Variants in TIA1 observed in about 807,000 individuals in gnomAD.
TIA1 encodes cytotoxic granule associated RNA binding protein TIA1.
In TIA1, 23 loss-of-function variants were observed where a neutral mutation model predicts 65.9. That is an observed-to-expected ratio of 0.35 (90% confidence interval 0.25 to 0.49). The LOEUF is 0.49. TIA1 is among the 20% of genes least tolerant of loss of function. The pLI, the probability that TIA1 is intolerant of heterozygous loss-of-function variation, is 0.98. For missense variants in TIA1, 371 were observed against 477.9 expected, an observed-to-expected ratio of 0.78 and a Z score of 2.09; for synonymous variants, 147 against 149.4, an observed-to-expected ratio of 0.98 and a Z score of 0.12.
At chr2:70,212,888 C>T (rs767625458) in intron 12 of TIA1, 43 bp from the exon 13 acceptor site, 1 of 1,348,204 alleles carries the variant, frequency 7.4e-7, no homozygotes, top group African/African-American at 1.4e-5. Context: ...AGGAAATCCA[C>T]TGATTAAAAT....
rs916558820 is a variant in TIA1, at chr2:70,248,483, C to A, written c.-53G>T. 3 of 1,600,444 alleles carry A rather than the reference C, an allele frequency of 1.9e-6. No homozygotes were observed. Among genetic ancestry groups the A allele is most frequent in the Admixed American group, 1.7e-5 (1 of 60,002 alleles). On this transcript the variant is annotated 5_prime_UTR_variant, in exon 1 of 13. Transcript: ENST00000433529. The stretch of plus-strand genomic sequence containing the variant: ...AGGTCCAGCTCCCTGCCCTTCACTA[C>A]CTCCCAAATCGTTTAAGCGGTTATG...
intron 7 of TIA1, 156 bp from the exon 8 acceptor site, chr2:70,217,150 G>A (rs149676230): frequency 2.0e-5 from 11 of 542,496 alleles, no homozygotes; most frequent in African/African-American, 2.0e-4. Flanking sequence ...AAATGCAATG[G>A]TGCTTTTTAT....
rs1676755169 is a variant in TIA1 at position 70,212,579 on chromosome 2, T to C, written c.*140A>G. On this transcript the variant is annotated 3_prime_UTR_variant, in exon 13 of 13. Coordinates refer to ENST00000433529, the MANE Select transcript of TIA1 (RefSeq NM_022173.4). The stretch of plus-strand genomic sequence containing the variant: ...ACAATGTGGATGATAAGTAATTTCA[T>C]GATTAAAAATGAATCTTTTAAATAA... 7.2e-6 allele frequency: 4 copies of C among 552,616 alleles called. No homozygotes were observed. The highest frequency in any genetic ancestry group is 1.3e-5 in the Non-Finnish European group (4 of 305,546). 34.2% of individuals were successfully genotyped at this position (552,616 alleles called of 1,614,324 possible).
chr2:70,225,266 T>C (rs1434344563), intron 6 of TIA1: 2 of 1,185,064 alleles, frequency 1.7e-6, no homozygotes, highest in Non-Finnish European at 2.1e-6. Context: ...ATAAAATTGA[T>C]TGGAACTACA....
rs539511687 is a variant in TIA1, at chr2:70,238,845, G to A, written c.27-2670C>T. 2.6e-5 allele frequency among the ~76,000 whole-genome samples: 4 copies of A among 152,166 alleles called. No homozygotes were observed. The South Asian group carries it at 8.3e-4, about 32-fold the overall frequency. On this transcript the variant is annotated intron_variant, in intron 1 of 12. Coordinates refer to ENST00000433529, the MANE Select transcript of TIA1 (RefSeq NM_022173.4). Reference sequence around the variant, plus strand: ...GTGGAAAGATCACTTTAGCCAAGGAGTTCAAGATCAGCCCAGTCAATACAG... The same window carrying A: ...GTGGAAAGATCACTTTAGCCAAGGAATTCAAGATCAGCCCAGTCAATACAG...
chr2:70,214,738 C>G (rs149144379), intron 11 of TIA1, among the ~76,000 whole-genome samples: 5 of 152,006 alleles, frequency 3.3e-5, no homozygotes, highest in Non-Finnish European at 7.4e-5. Context: ...TTTTGGAAGG[C>G]ATCAGTTGAT....
Position 70,211,947 on chromosome 2 carries a change from G to C in TIA1, c.*772C>G, listed in dbSNP as rs200131886. ...ACAAGTTTTTGTTTTTATAGTTCCT[G>C]GTACACAGCAAAGTTTATCACGAAA... On this transcript the variant is annotated 3_prime_UTR_variant, in exon 13 of 13. Transcript: ENST00000433529. The C allele has an allele frequency of 9.8e-5, 15 of 152,432 alleles. No homozygotes were observed. In the East Asian group the frequency reaches 2.9e-3, roughly 29 times the overall value. The allele number at this position is 152,432 out of a possible 1,614,324, so 9.4% of individuals were successfully genotyped here.
Position 70,215,451 on chromosome 2 carries a change from T to G in TIA1, c.808A>C (p.Asn270His). The G allele has an allele frequency of 6.2e-7, 1 of 1,613,920 alleles. No individual in the cohort carries two copies. The highest frequency in any genetic ancestry group is 8.5e-7 in the Non-Finnish European group (1 of 1,179,840). The change falls in exon 11 of 13, where the codon AAT becomes CAT. Residue 270 changes from asparagine to histidine, a missense_variant. By Grantham distance (68) the Asn-to-His change is moderately conservative (BLOSUM62 1). Transcript: ENST00000433529. ...ESAAHAIVSV[N>H]GTTIEGHVVK... ...ACATGACCTTCAATGGTAGTACCATTAACAGAAACAATTGCATGTGCTGCA... is the reference window on the plus strand; with the variant it reads ...ACATGACCTTCAATGGTAGTACCATGAACAGAAACAATTGCATGTGCTGCA...
At chr2:70,246,889 A>C (rs1201601698) in intron 1 of TIA1, among the ~76,000 whole-genome samples, 2 of 152,072 alleles carry the variant, frequency 1.3e-5, no homozygotes, top group Non-Finnish European at 2.9e-5. Flanking sequence ...GTGAGACTCC[A>C]TCTCAAAAAA....
intron 7 of TIA1, among the ~76,000 whole-genome samples, chr2:70,218,652 C>T (rs561869204): frequency 6.6e-6 from 1 of 152,288 alleles, no homozygotes; most frequent in East Asian, 1.9e-4. Context: ...ACAGGATGGT[C>T]TCCATCTCCT....
At chr2:70,216,371 A>C in intron 9 of TIA1, 33 bp downstream of exon 9, 2 of 1,592,692 alleles carry the variant, frequency 1.3e-6, no homozygotes, top group South Asian at 2.3e-5. Context: ...TTGCACTTTA[A>C]AAATTAATGC....
rs541334662 is a variant in TIA1, at chr2:70,238,935, T to C, written c.27-2760A>G. Among the ~76,000 whole-genome samples the C allele has an allele frequency of 9.9e-5, 15 of 152,198 alleles. No individual in the cohort carries two copies. The South Asian group carries it at 1.7e-3, about 17-fold the overall frequency. ...AAAATTAGCGGACATGGTGGCACTA[T>C]GTCCCATGGCATGGTCCCAGCTACT... On this transcript the variant is annotated intron_variant, in intron 1 of 12. Coordinates refer to ENST00000433529, the MANE Select transcript of TIA1 (RefSeq NM_022173.4).
rs763037034 is a variant in TIA1, at chr2:70,248,575, C to A, written c.-145G>T. ...CCGCCTCCTCCTCCGGCGGCAATTACACTAAACCGCCCGGCCCAGCGGGAA... is the reference window on the plus strand; with the variant it reads ...CCGCCTCCTCCTCCGGCGGCAATTAAACTAAACCGCCCGGCCCAGCGGGAA... On this transcript the variant is annotated 5_prime_UTR_variant, in exon 1 of 13. Transcript: ENST00000433529. 5 of 1,177,188 alleles carry A rather than the reference C, an allele frequency of 4.2e-6. No individual in the cohort carries two copies. The African/African-American group carries it at 7.6e-5, about 18-fold the overall frequency. The allele number at this position is 1,177,188 out of a possible 1,614,324, so 72.9% of individuals were successfully genotyped here. A position where few individuals can be genotyped will look rare whatever the true frequency, so the allele number is the denominator to read the frequency against.
chr2:70,219,658 C>A (rs1034163682), intron 7 of TIA1, among the ~76,000 whole-genome samples: 95 of 148,680 alleles, frequency 6.4e-4, no homozygotes, highest in Middle Eastern at 3.4e-3. Flanking sequence ...TTTTTAATTT[C>A]TTTACTATGG....
chr2:70,227,804 A>G lies in TIA1; in HGVS notation c.329T>C (p.Val110Ala), dbSNP rs770411857. The G allele has an allele frequency of 6.2e-7, 1 of 1,600,228 alleles. No homozygotes were observed. Among genetic ancestry groups the G allele is most frequent in the Non-Finnish European group, 8.5e-7 (1 of 1,171,308 alleles). Reference sequence around the variant, plus strand: ...TGTAATTTCTGGGCTGAGATCACCAACAAAGACATGGAAATGATCTTATAA... The same window carrying G: ...TGTAATTTCTGGGCTGAGATCACCAGCAAAGACATGGAAATGATCTTATAA... ...QRSQDHFHVF[V>A]GDLSPEITTE... Residue 110 changes from valine (V) to alanine (A), a missense_variant, in exon 6 of 13, where the codon GTT becomes GCT. Coordinates refer to ENST00000433529, the MANE Select transcript of TIA1 (RefSeq NM_022173.4).
At chr2:70,215,647 C>G (rs574581816) in intron 10 of TIA1, 153 bp from the exon 11 acceptor site, 42 of 662,172 alleles carry the variant, frequency 6.3e-5, no homozygotes, top group Admixed American at 1.6e-4. Context: ...TCTTGTAGTT[C>G]TGGGGCAACT....
intron 7 of TIA1, 73 bp downstream of exon 7, chr2:70,224,481 A>T: frequency 6.3e-7 from 1 of 1,591,186 alleles, no homozygotes; most frequent in Non-Finnish European, 8.6e-7. Flanking sequence ...CGAAAAAAAG[A>T]TTAGTAATTA....
chr2:70,235,369 C>T (rs750859292), intron 2 of TIA1, among the ~76,000 whole-genome samples: 2 of 152,016 alleles, frequency 1.3e-5, no homozygotes, highest in Admixed American at 6.6e-5. Flanking sequence ...GAGCCGAGAT[C>T]GCACCATTGT....
intron 8 of TIA1, 153 bp downstream of exon 8, chr2:70,216,733 C>T (rs1435674768): frequency 6.4e-7 from 1 of 1,557,916 alleles, no homozygotes; most frequent in African/African-American, 1.4e-5. Flanking sequence ...TTTATAATTA[C>T]AAAAATGAAA....
Sources: allele counts gnomAD v4.1 joint callset (sites outside exome capture counted in the v4.1 genomes callset), GRCh38; gene constraint gnomAD v4.1.1; transcripts MANE v1.5; gene names NCBI Gene and HGNC (gene_info 2026-07-23, HGNC 2026-07-21).